IQCE: variants seen among roughly 807,000 people sequenced by gnomAD.
The protein encoded by IQCE is IQ motif containing E.
A neutral mutation model predicts 96.0 loss-of-function variants in IQCE; 115 were observed. The observed-to-expected ratio is 1.20, with a 90% CI of 1.03 to 1.40. The LOEUF is 1.40. Among genes scored for constraint, IQCE ranks in the 40% most tolerant of loss-of-function variants. The pLI is 0.00. For missense variants in IQCE, 1,041 were observed against 909.1 expected, an observed-to-expected ratio of 1.15 and a Z score of -1.87; for synonymous variants, 412 against 371.2, an observed-to-expected ratio of 1.11 and a Z score of -1.26.
intron 3 of IQCE, among the ~76,000 whole-genome samples, chr7:2,570,526 A>G (rs1466237222): frequency 6.6e-6 from 1 of 152,010 alleles, no homozygotes; most frequent in Non-Finnish European, 1.5e-5. Flanking sequence ...TTATTCCCTC[A>G]TTCACAGTTA....
At chr7:2,589,777 T>C in intron 13 of IQCE, 130 bp from the exon 14 acceptor site, 1 of 795,758 alleles carries the variant, frequency 1.3e-6, no homozygotes, top group Non-Finnish European at 2.1e-6. Flanking sequence ...GTAACTCGGG[T>C]CCCCTCAAAG....
intron 8 of IQCE, 70 bp from the exon 9 acceptor site, chr7:2,582,510 A>G: frequency 4.6e-6 from 6 of 1,302,496 alleles, no homozygotes; most frequent in Non-Finnish European, 5.5e-6. Flanking sequence ...GTGCTCTGGC[A>G]GGAGGGGACA....
chr7:2,583,549 C>G, intron 9 of IQCE, 88 bp from the exon 10 acceptor site: 1 of 1,004,532 alleles, frequency 1.0e-6, no homozygotes, highest in Middle Eastern at 2.3e-4. Flanking sequence ...AGCCTCTCCT[C>G]TTCTGAACGT....
rs1366849813 is a variant in IQCE, at chr7:2,578,457, C to T, written c.580-19C>T. 7 of 1,614,180 alleles carry T rather than the reference C, an allele frequency of 4.3e-6. No homozygotes were observed. The highest frequency in any genetic ancestry group is 5.9e-6 in the Non-Finnish European group (7 of 1,180,006). On this transcript the variant is annotated intron_variant, in intron 7 of 21. Transcript: ENST00000402050. ...GCTACACCGAAGGCCGTCTTCATGT[C>T]TCAATCTGCTTACCACAGGGCACGG...
At chr7:2,576,403 T>C (rs1018151168) in intron 6 of IQCE, among the ~76,000 whole-genome samples, 1 of 152,182 alleles carries the variant, frequency 6.6e-6, no homozygotes, top group African/African-American at 2.4e-5. Flanking sequence ...AGAAATCCAC[T>C]ACAGAGTCTT....
At chr7:2,586,468 C>T (rs1281283244) in intron 12 of IQCE, 97 bp downstream of exon 12, 13 of 1,337,884 alleles carry the variant, frequency 9.7e-6, no homozygotes, top group South Asian at 8.4e-5. Context: ...ACAGGCACCA[C>T]GAGGGCAGAT....
chr7:2,604,608 C>T (rs1272513412), intron 18 of IQCE, among the ~76,000 whole-genome samples: 1 of 152,202 alleles, frequency 6.6e-6, no homozygotes, highest in African/African-American at 2.4e-5. Context: ...CTGAAAGGGA[C>T]TGCAGTGAGC....
intron 19 of IQCE, 68 bp downstream of exon 19, chr7:2,605,059 G>A: frequency 6.1e-6 from 7 of 1,149,820 alleles, no homozygotes; most frequent in South Asian, 1.3e-5. Flanking sequence ...TCCATCCATC[G>A]AGAAAGCGTA....
intron 19 of IQCE, among the ~76,000 whole-genome samples, 167 bp downstream of exon 19, chr7:2,605,158 G>A (rs1262413902): frequency 6.6e-6 from 1 of 152,204 alleles, no homozygotes; most frequent in African/African-American, 2.4e-5. Context: ...AGGCTTCTCT[G>A]CGCAGGCCCC....
At chr7:2,584,188 C>A in intron 10 of IQCE, 48 bp from the exon 11 acceptor site, 1 of 1,540,108 alleles carries the variant, frequency 6.5e-7, no homozygotes, top group Non-Finnish European at 9.0e-7. Flanking sequence ...ATAAGGTCTT[C>A]TCCATGCTAG....
In IQCE at chr7:2,612,562, ATGGGAGGGGTGAGCTG is replaced by A. The variant is rs919581270; in HGVS notation, c.*2405_*2420del. The A allele has an allele frequency of 4.3e-5, 6 of 140,560 alleles. No individual in the cohort carries two copies. In the East Asian group the frequency reaches 6.8e-4, roughly 16 times the overall value. 8.7% of individuals were successfully genotyped at this position (140,560 alleles called of 1,614,324 possible). Reference sequence around the variant, plus strand: ...GGTGAGCTGTGGGCGGGGCCTAGTCATGGGAGGGGTGAGCTGTGGGCGGGGCGAGCTGTGGGTGGGG... The same window carrying A: ...GGTGAGCTGTGGGCGGGGCCTAGTCATGGGCGGGGCGAGCTGTGGGTGGGG... On this transcript the variant is annotated 3_prime_UTR_variant, in exon 22 of 22. Coordinates refer to ENST00000402050, the MANE Select transcript of IQCE (RefSeq NM_152558.5).
intron 1 of IQCE, among the ~76,000 whole-genome samples, chr7:2,563,738 C>G (rs1781147792): frequency 6.6e-6 from 1 of 151,116 alleles, no homozygotes; most frequent in South Asian, 2.1e-4. Flanking sequence ...ACTAAAAATA[C>G]AAAAAATTAG....
rs1313549895 is a variant in IQCE, at chr7:2,613,281, A to C, written c.*3119A>C. Reference sequence around the variant, plus strand: ...GGTGAGCCACAGGTGCAGTACCCGGAGGTGTGCTCTCCCCTAGAGGCCTGT... The same window carrying C: ...GGTGAGCCACAGGTGCAGTACCCGGCGGTGTGCTCTCCCCTAGAGGCCTGT... On this transcript the variant is annotated 3_prime_UTR_variant, in exon 22 of 22. Transcript: ENST00000402050. 2.0e-5 allele frequency: 3 copies of C among 152,356 alleles called. No individual in the cohort carries two copies. Among genetic ancestry groups the C allele is most frequent in the Middle Eastern group, 3.4e-3 (1 of 294 alleles). 9.4% of individuals were successfully genotyped at this position (152,356 alleles called of 1,614,324 possible).
At chr7:2,606,407 G>T (rs1431864054) in intron 20 of IQCE, among the ~76,000 whole-genome samples, 1 of 152,126 alleles carries the variant, frequency 6.6e-6, no homozygotes, top group Admixed American at 6.5e-5. Context: ...GACGCGTGCA[G>T]GGTCTAGATG....
chr7:2,560,691 C>T (rs935588882), intron 1 of IQCE, among the ~76,000 whole-genome samples: 1 of 151,284 alleles, frequency 6.6e-6, no homozygotes, highest in African/African-American at 2.4e-5. Flanking sequence ...GGCACGGCGG[C>T]TCATGCCTGT....
chr7:2,605,636 GTAAATAAATAAA>G (rs10527603), intron 19 of IQCE, among the ~76,000 whole-genome samples: 12 of 148,940 alleles, frequency 8.1e-5, no homozygotes, highest in African/African-American at 2.5e-4. Flanking sequence ...AAATAAATAA[GTAAATAAATAAA>G]TAAATAAATA....
intron 15 of IQCE, among the ~76,000 whole-genome samples, chr7:2,594,667 A>G (rs1783879723): frequency 6.6e-6 from 1 of 152,224 alleles, no homozygotes; most frequent in South Asian, 2.1e-4. Flanking sequence ...TCCAGCCCAG[A>G]GCAGGAGACA....
chr7:2,564,449 A>G (rs916296314), intron 1 of IQCE, among the ~76,000 whole-genome samples: 1 of 150,454 alleles, frequency 6.6e-6, no homozygotes, highest in Non-Finnish European at 1.5e-5. Context: ...AAATACAACA[A>G]TTATCCGGGC....
chr7:2,575,061 C>A (rs550247265), intron 6 of IQCE, among the ~76,000 whole-genome samples: 1 of 152,304 alleles, frequency 6.6e-6, no homozygotes, highest in South Asian at 2.1e-4. Context: ...AATGTCCAGG[C>A]CATCTCAGTG....
Sources: gnomAD v4.1 joint callset for allele counts (sites outside exome capture counted in the v4.1 genomes callset) on GRCh38, gnomAD v4.1.1 for gene constraint, MANE v1.5 for transcripts, NCBI Gene and HGNC (gene_info 2026-07-23, HGNC 2026-07-21) for gene names.